Variants in PIEZO2 observed in about 807,000 individuals in gnomAD.
PIEZO2 encodes the protein piezo-type mechanosensitive ion channel component 2.
PIEZO2 carries 172 observed loss-of-function variants against 337.3 expected under a neutral mutation model. That is an observed-to-expected ratio of 0.51 (90% CI 0.45 to 0.58). The LOEUF is 0.58. Among genes scored for constraint, PIEZO2 ranks in the 20% least tolerant of loss-of-function variants. PIEZO2 has a pLI of 0.00. For missense variants in PIEZO2, 3,028 were observed against 3,391.3 expected, an observed-to-expected ratio of 0.89 and a Z score of 2.66; for synonymous variants, 1,251 against 1,228.5, an observed-to-expected ratio of 1.02 and a Z score of -0.38.
chr18:11,081,037 A>C (rs1039183100), intron 1 of PIEZO2, among the ~76,000 whole-genome samples: 2 of 152,218 alleles, frequency 1.3e-5, no homozygotes, highest in African/African-American at 2.4e-5. Flanking sequence ...CTGGAAAAAT[A>C]ATATTTGGGT....
chr18:10,780,340 T>C lies in PIEZO2; in HGVS notation c.2519A>G (p.Tyr840Cys), dbSNP rs1174113113. The change falls in exon 18 of 56, where the codon TAT becomes TGT. Residue 840 changes from tyrosine to cysteine, a missense_variant. This residue lies in a region of PIEZO2 where 1,925 missense variants were observed against 2,051.9 expected (regional missense o/e 0.94). Transcript: ENST00000674853. ...YSHAKVNGRV[Y>C]LIINSIKKKL... is the part of the protein sequence containing the mutation. The stretch of plus-strand genomic sequence containing the variant: ...AAGTACCCACCTATTTATTATTAGA[T>C]ATACGCGACCATTGACTTTGGCATG... 1 of 702,860 alleles carries C rather than the reference T, an allele frequency of 1.4e-6. No homozygotes were observed. Among genetic ancestry groups the C allele is most frequent in the African/African-American group, 1.7e-5 (1 of 57,244 alleles). The allele number at this position is 702,860 out of a possible 1,614,324, so 43.5% of individuals were successfully genotyped here. A position where few individuals can be genotyped will look rare whatever the true frequency, so the allele number is the denominator to read the frequency against.
At chr18:11,068,110 T>TG (rs1331368205) in intron 1 of PIEZO2, among the ~76,000 whole-genome samples, 5 of 152,114 alleles carry the variant, frequency 3.3e-5, no homozygotes, top group Admixed American at 1.3e-4. Context: ...TTAGTGGAGA[T>TG]GGGGTTTCAC....
At position 10,943,622 on chromosome 18, in the gene PIEZO2, G is replaced by C. The variant is rs1279796672; in HGVS notation, c.287-32394C>G. ...CAGGCTCATAAGCAGGAAGGAACTT[G>C]CCTTGTCTTGGATAATACTTTGCAC... On this transcript the variant is annotated intron_variant, in intron 3 of 55. Coordinates refer to ENST00000674853, the MANE Select transcript of PIEZO2 (RefSeq NM_001378183.1). This position sits in a 1 kb window ranked among gnomAD's most constrained non-coding sequence, Gnocchi z 4.5. Among the ~76,000 whole-genome samples the C allele has an allele frequency of 6.6e-6, 1 of 152,190 alleles. No individual in the cohort carries two copies. Among genetic ancestry groups the C allele is most frequent in the Admixed American group, 6.5e-5 (1 of 15,274 alleles).
At chr18:10,718,886 T>A (rs1046239832) in intron 36 of PIEZO2, among the ~76,000 whole-genome samples, 1 of 151,662 alleles carries the variant, frequency 6.6e-6, no homozygotes, top group African/African-American at 2.4e-5. Flanking sequence ...TCCCAGCTAT[T>A]TGGGAGGCTG....
intron 36 of PIEZO2, among the ~76,000 whole-genome samples, chr18:10,721,512 A>G (rs879345527): frequency 6.6e-6 from 1 of 150,774 alleles, no homozygotes; most frequent in African/African-American, 2.5e-5. Context: ...ATGACCAAAG[A>G]ACAAATTTTT....
At position 10,899,514 on chromosome 18, in the gene PIEZO2, GA is replaced by G. The variant is rs1199285002; in HGVS notation, c.329+11671del. 2.0e-5 allele frequency among the ~76,000 whole-genome samples: 3 copies of G among 152,116 alleles called. No homozygotes were observed. The highest frequency in any genetic ancestry group is 4.4e-5 in the Non-Finnish European group (3 of 68,016). ...GCTTCCTCAGCATAAAATGCCTATG[GA>G]AAAGGCATTTTATGGTGGTTAGAGA... On this transcript the variant is annotated intron_variant, in intron 4 of 55. Coordinates refer to ENST00000674853, the MANE Select transcript of PIEZO2 (RefSeq NM_001378183.1). The surrounding 1 kb of genome is among the most constrained non-coding windows in gnomAD (Gnocchi z 4.6).
intron 2 of PIEZO2, among the ~76,000 whole-genome samples, chr18:11,018,139 C>T (rs2036181068): frequency 6.6e-6 from 1 of 151,766 alleles, no homozygotes; most frequent in Admixed American, 6.6e-5. Flanking sequence ...CGGTCATCCA[C>T]AGTGGTCCTT....
At position 11,078,179 on chromosome 18, in the gene PIEZO2, T is replaced by TACACAC; in HGVS notation, c.65-11963_65-11958dup. On this transcript the variant is annotated intron_variant, in intron 1 of 55. Transcript: ENST00000674853. The surrounding 1 kb of genome is among the most constrained non-coding windows in gnomAD (Gnocchi z 5.3). ...CACACATACACACACCACACACACA[T>TACACAC]ACACACACACACTTGTATGGGCTTT... Among the ~76,000 whole-genome samples the TACACAC allele has an allele frequency of 6.6e-6, 1 of 151,240 alleles. No homozygotes were observed. The highest frequency in any genetic ancestry group is 1.5e-5 in the Non-Finnish European group (1 of 67,682).
chr18:10,722,147 C>G (rs2036338638), intron 36 of PIEZO2, among the ~76,000 whole-genome samples: 2 of 57,714 alleles, frequency 3.5e-5, no homozygotes, highest in African/African-American at 1.9e-4. Flanking sequence ...AAGACTCCAT[C>G]TCAAAAAAAA....
chr18:10,972,611 G>C (rs941621105), intron 3 of PIEZO2, among the ~76,000 whole-genome samples: 1 of 152,166 alleles, frequency 6.6e-6, no homozygotes, highest in African/African-American at 2.4e-5. Context: ...TAACCACATG[G>C]AGTAGAGTAG....
chr18:11,095,691 T>C (rs1472924941), intron 1 of PIEZO2, among the ~76,000 whole-genome samples: 1 of 152,202 alleles, frequency 6.6e-6, no homozygotes, highest in African/African-American at 2.4e-5. Context: ...TTGTGGTTTA[T>C]AAAAGTTAAT....
intron 1 of PIEZO2, among the ~76,000 whole-genome samples, chr18:11,118,131 T>C (rs2039937684): frequency 6.6e-6 from 1 of 152,226 alleles, no homozygotes; most frequent in South Asian, 2.1e-4. Flanking sequence ...CATCTGTTCA[T>C]TCTACTTGTG....
intron 47 of PIEZO2, 33 bp downstream of exon 47, chr18:10,696,041 C>T (rs58917103): frequency 3.0e-5 from 47 of 1,571,158 alleles, no homozygotes; most frequent in Non-Finnish European, 4.0e-5. Context: ...TGCATGGAGG[C>T]AGGTTGGTGC....
chr18:10,857,326 A>G, intron 5 of PIEZO2, 115 bp from the exon 6 acceptor site: 1 of 866,366 alleles, frequency 1.2e-6, no homozygotes, highest in Non-Finnish European at 1.8e-6. Context: ...ACAGATCAGG[A>G]AAAAAGGGAA....
Position 11,125,870 on chromosome 18 carries a change from TAC to T in PIEZO2, c.64+22653_64+22654del, listed in dbSNP as rs1045319675. ...CTGAGATAAGATAGGGCAAGAGAAA[TAC>T]ACAGTCATTCACACCTGCTAACTTG... On this transcript the variant is annotated intron_variant, in intron 1 of 55. Transcript: ENST00000674853. The surrounding 1 kb of genome is among the most constrained non-coding windows in gnomAD (Gnocchi z 4.4). 6.6e-6 allele frequency among the ~76,000 whole-genome samples: 1 copy of T among 152,166 alleles called. No individual in the cohort carries two copies. Among genetic ancestry groups the T allele is most frequent in the Non-Finnish European group, 1.5e-5 (1 of 68,032 alleles).
rs554413629 is a variant in PIEZO2 at position 11,021,739 on chromosome 18, A to G, written c.161-42079T>C. 6.6e-6 allele frequency among the ~76,000 whole-genome samples: 1 copy of G among 152,240 alleles called. No homozygotes were observed. Among genetic ancestry groups the G allele is most frequent in the Admixed American group, 6.5e-5 (1 of 15,298 alleles). The stretch of plus-strand genomic sequence containing the variant: ...TGCCTTCACAAGTTCATTCTATTCA[A>G]TGTATGAGTCTGAGCACCTGCAGTG... On this transcript the variant is annotated intron_variant, in intron 2 of 55. Transcript: ENST00000674853. The surrounding 1 kb of genome is among the most constrained non-coding windows in gnomAD (Gnocchi z 4.7).
chr18:11,140,508 G>GA (rs1484050669), intron 1 of PIEZO2, among the ~76,000 whole-genome samples: 2 of 152,196 alleles, frequency 1.3e-5, no homozygotes, highest in African/African-American at 4.8e-5. Flanking sequence ...TCTAAATTGA[G>GA]AAAATCATGT....
intron 3 of PIEZO2, among the ~76,000 whole-genome samples, chr18:10,971,629 A>T (rs545226890): frequency 1.3e-5 from 2 of 152,174 alleles, no homozygotes; most frequent in Non-Finnish European, 2.9e-5. Flanking sequence ...GGCCAATATC[A>T]TTTACCAAGT....
intron 14 of PIEZO2, among the ~76,000 whole-genome samples, chr18:10,790,583 G>T (rs1034886870): frequency 6.6e-6 from 1 of 152,184 alleles, no homozygotes; most frequent in African/African-American, 2.4e-5. Flanking sequence ...AAATGTGAAA[G>T]ATGTGACTTA....
Sources: gnomAD v4.1 joint callset for allele counts (sites outside exome capture counted in the v4.1 genomes callset) on GRCh38, gnomAD v4.1.1 for gene constraint, gnomAD v4.1.1 regional missense constraint, Gnocchi (gnomAD v3.1) non-coding constraint, MANE v1.5 for transcripts, NCBI Gene and HGNC (gene_info 2026-07-23, HGNC 2026-07-21) for gene names.